BTG3: variants seen among roughly 807,000 people sequenced by gnomAD.
BTG3 encodes the protein protein BTG3.
BTG3 carries 4 observed loss-of-function variants against 25.8 expected under a neutral mutation model. The observed-to-expected ratio is 0.16, with a 90% CI of 0.08 to 0.36. BTG3 has a LOEUF of 0.36. Among genes scored for constraint, BTG3 ranks in the 10% least tolerant of loss-of-function variants. BTG3 has a pLI of 1.00. For synonymous variants in BTG3, 107 were observed against 99.9 expected (o/e 1.07, Z -0.42); for missense variants, 201 against 304.9 (o/e 0.66, Z 2.54).
intron 1 of BTG3, among the ~76,000 whole-genome samples, chr21:17,611,175 C>T (rs1398295984): frequency 1.3e-5 from 2 of 152,154 alleles, no homozygotes; most frequent in Admixed American, 1.3e-4. Context: ...TATTCCACCA[C>T]GATACGATGG....
intron 2 of BTG3, among the ~76,000 whole-genome samples, chr21:17,608,425 C>T (rs1311620635): frequency 1.3e-5 from 2 of 151,738 alleles, no homozygotes; most frequent in South Asian, 2.1e-4. Context: ...ATTTACTAGT[C>T]GTGGATCACA....
chr21:17,596,818 T>C (rs956043741), intron 4 of BTG3, among the ~76,000 whole-genome samples: 1 of 152,120 alleles, frequency 6.6e-6, no homozygotes, highest in Non-Finnish European at 1.5e-5. Context: ...TCTACAGATC[T>C]ATTTCAGGAG....
chr21:17,595,967 G>A (rs2061498868), intron 4 of BTG3, among the ~76,000 whole-genome samples: 2 of 151,956 alleles, frequency 1.3e-5, no homozygotes, highest in Admixed American at 6.6e-5. Context: ...AAATTGTGCA[G>A]TTCTGGAAGA....
rs769277223 is a variant in BTG3 at position 17,604,154 on chromosome 21, A to G, written c.311+706T>C. On this transcript the variant is annotated intron_variant, in intron 3 of 4. Transcript: ENST00000348354. ...TCACTCAGTCACTTACATAATCAAA[A>G]AGGAGGAGGCCGGGCGCAGTGGCTC... 7.8e-6 allele frequency: 10 copies of G among 1,281,556 alleles called. No homozygotes were observed. Among genetic ancestry groups the G allele is most frequent in the Non-Finnish European group, 9.2e-6 (9 of 980,650 alleles). 79.4% of individuals were successfully genotyped at this position (1,281,556 alleles called of 1,614,324 possible).
intron 4 of BTG3, among the ~76,000 whole-genome samples, chr21:17,596,878 T>C (rs1297047647): frequency 6.6e-6 from 1 of 152,116 alleles, no homozygotes; most frequent in African/African-American, 2.4e-5. Flanking sequence ...AATAATTCTT[T>C]ATCCCCTCTC....
At chr21:17,605,027 T>G in intron 2 of BTG3, 30 bp from the exon 3 acceptor site, 22 of 1,604,196 alleles carry the variant, frequency 1.4e-5, no homozygotes, top group Non-Finnish European at 1.8e-5. Flanking sequence ...CGTTAATGGA[T>G]TTAAATGAAT....
rs1172991855 is a variant in BTG3, at chr21:17,600,625, A to AGTGTGGGTAACATGGTGAGACCC, written c.312-1802_312-1801insGGGTCTCACCATGTTACCCACAC. Among the ~76,000 whole-genome samples the AGTGTGGGTAACATGGTGAGACCC allele has an allele frequency of 4.6e-5, 7 of 152,158 alleles. No homozygotes were observed. In the East Asian group the frequency reaches 1.3e-3, roughly 29 times the overall value. On this transcript the variant is annotated intron_variant, in intron 3 of 4. Transcript: ENST00000348354. ...TGCTTGAGCCCAGGAATTTGAGACC[A>AGTGTGGGTAACATGGTGAGACCC]GTCTGGGTAACATGGTGAGACCCTG...
At chr21:17,610,419 G>A (rs1204526457) in intron 1 of BTG3, among the ~76,000 whole-genome samples, 1 of 152,186 alleles carries the variant, frequency 6.6e-6, no homozygotes, top group Non-Finnish European at 1.5e-5. Context: ...TTATCCACAA[G>A]TTAAGAGACA....
intron 4 of BTG3, among the ~76,000 whole-genome samples, chr21:17,595,891 T>C (rs2061498225): frequency 6.6e-6 from 1 of 152,060 alleles, no homozygotes; most frequent in African/African-American, 2.4e-5. Flanking sequence ...CTATTTTACA[T>C]GACTAGCAAG....
At position 17,598,784 on chromosome 21, in the gene BTG3, C is replaced by T. The variant is rs764970733; in HGVS notation, c.352G>A (p.Glu118Lys). The T allele has an allele frequency of 1.2e-5, 19 of 1,614,084 alleles. No individual in the cohort carries two copies. The highest frequency in any genetic ancestry group is 1.6e-5 in the Non-Finnish European group (19 of 1,180,006). The change falls in exon 4 of 5, where the codon GAA (glutamate) becomes AAA (lysine). Residue 118 changes from glutamate (E) to lysine (K), a missense_variant. Glu to Lys is a moderately conservative substitution (Grantham distance 56, BLOSUM62 1). Around this residue, in one of 2 missense-constraint regions of BTG3, gnomAD observed 70 missense variants for 175.7 expected, o/e 0.40. Transcript: ENST00000348354. ...TCATCCTTGTTCTCATCTTTATTTTCAAAGCTGGCAACAATGAATGCATTG... is the reference window on the plus strand; with the variant it reads ...TCATCCTTGTTCTCATCTTTATTTTTAAAGCTGGCAACAATGAATGCATTG... Reference protein sequence around the residue: ...KNNAFIVASFENKDENKDEIS... With the variant: ...KNNAFIVASFKNKDENKDEIS...
intron 4 of BTG3, among the ~76,000 whole-genome samples, chr21:17,595,724 T>C (rs185866262): frequency 2.6e-5 from 4 of 152,152 alleles, no homozygotes; most frequent in African/African-American, 9.6e-5. Flanking sequence ...AAAACAATGC[T>C]GCAATGAATA....
intron 2 of BTG3, chr21:17,605,246 C>T (rs1569185068): frequency 3.1e-6 from 1 of 321,378 alleles, no homozygotes; most frequent in Non-Finnish European, 5.7e-6. Flanking sequence ...TCAGTCTACC[C>T]AGAGACTTGA....
chr21:17,594,860 G>A (rs1439294429), intron 4 of BTG3, among the ~76,000 whole-genome samples: 1 of 152,000 alleles, frequency 6.6e-6, no homozygotes, highest in Non-Finnish European at 1.5e-5. Flanking sequence ...GAGGGTGGGA[G>A]AAGGAAAAGG....
intron 2 of BTG3, 166 bp downstream of exon 2, chr21:17,608,806 A>G: frequency 1.5e-6 from 1 of 646,188 alleles, no homozygotes; most frequent in South Asian, 3.9e-5. Flanking sequence ...TCCGCCAACA[A>G]ATACTTGTTT....
At chr21:17,603,233 G>C (rs2061596101) in intron 3 of BTG3, among the ~76,000 whole-genome samples, 1 of 152,082 alleles carries the variant, frequency 6.6e-6, no homozygotes, top group Non-Finnish European at 1.5e-5. Context: ...AGGTTCAGTG[G>C]CCAAAGTTTT....
intron 3 of BTG3, among the ~76,000 whole-genome samples, chr21:17,599,394 G>A (rs2061543251): frequency 6.6e-6 from 1 of 151,704 alleles, no homozygotes; most frequent in Admixed American, 6.6e-5. Context: ...TGCTGAGGCT[G>A]GTCCCAAACT....
At chr21:17,608,085 G>A (rs766178608) in intron 2 of BTG3, among the ~76,000 whole-genome samples, 1 of 152,148 alleles carries the variant, frequency 6.6e-6, no homozygotes, top group Non-Finnish European at 1.5e-5. Flanking sequence ...CCAGAACCTT[G>A]GCCAGGCATG....
Position 17,594,137 on chromosome 21 carries a change from C to T in BTG3, c.715G>A (p.Asp239Asn), listed in dbSNP as rs2061471650. 1.2e-6 allele frequency: 2 copies of T among 1,613,076 alleles called. No individual in the cohort carries two copies. Among genetic ancestry groups the T allele is most frequent in the South Asian group, 1.1e-5 (1 of 91,048 alleles). The change falls in exon 5 of 5, where the codon GAC (aspartate) becomes AAC (asparagine). Residue 239 changes from aspartate to asparagine, a missense_variant. Physicochemically the swap from Asp to Asn is conservative, Grantham distance 23. Around this residue, in one of 2 missense-constraint regions of BTG3, gnomAD observed 131 missense variants for 129.3 expected, o/e 1.01. Transcript: ENST00000348354. ...TWVPPPGMHC[D>N]RNHWINPHML... Reference sequence around the variant, plus strand: ...TGAGGATTAATCCAGTGATTCCGGTCACAATGCATTCCAGGAGGAGGTACC... The same window carrying T: ...TGAGGATTAATCCAGTGATTCCGGTTACAATGCATTCCAGGAGGAGGTACC...
At position 17,594,239 on chromosome 21, in the gene BTG3, A is replaced by G. The variant is rs941716098; in HGVS notation, c.613T>C (p.Tyr205His). 2 of 1,613,262 alleles carry G rather than the reference A, an allele frequency of 1.2e-6. No individual in the cohort carries two copies. Among genetic ancestry groups the G allele is most frequent in the African/African-American group, 1.3e-5 (1 of 74,870 alleles). The change falls in exon 5 of 5, where the codon TAT (tyrosine) becomes CAT (histidine). Residue 205 changes from tyrosine to histidine, a missense_variant. Physicochemically the swap from Tyr to His is moderately conservative, Grantham distance 83 (BLOSUM62 2). This residue lies in a region of BTG3 where 131 missense variants were observed against 129.3 expected (regional missense o/e 1.01). Transcript: ENST00000348354. ...TAACCAAATGGAACAGGAGGAGGAT[A>G]GTGATTCTGATGGCCATTCCCTCGA... Reference protein sequence around the residue: ...MYRGNGHQNHYPPPVPFGYPN... With the variant: ...MYRGNGHQNHHPPPVPFGYPN...
Sources: allele counts gnomAD v4.1 joint callset (sites outside exome capture counted in the v4.1 genomes callset), GRCh38; gene constraint gnomAD v4.1.1; regional missense constraint gnomAD v4.1.1; transcripts MANE v1.5; gene names NCBI Gene and HGNC (gene_info 2026-07-23, HGNC 2026-07-21).